The following NCALD variants were observed in gnomAD, a reference collection of about 807,000 sequenced individuals.
NCALD encodes neurocalcin delta.
In NCALD, 10 loss-of-function variants were observed where a neutral mutation model predicts 18.6. That is an observed-to-expected ratio of 0.54 (90% CI 0.33 to 0.91). NCALD has a LOEUF of 0.91. NCALD is among the 40% of genes least tolerant of loss of function. NCALD has a pLI of 0.03. For synonymous variants in NCALD, 88 were observed against 87.4 expected (o/e 1.01, Z -0.04); for missense variants, 184 against 247.6 (o/e 0.74, Z 1.72).
chr8:101,982,398 A>G (rs758150147), intron 2 of NCALD, among the ~76,000 whole-genome samples: 2 of 152,262 alleles, frequency 1.3e-5, no homozygotes, highest in Non-Finnish European at 2.9e-5. Context: ...TAAGTTTTAC[A>G]GTTTACAAAG....
At chr8:101,995,538 G>A (rs1027179096) in intron 2 of NCALD, among the ~76,000 whole-genome samples, 6 of 152,012 alleles carry the variant, frequency 3.9e-5, no homozygotes, top group African/African-American at 7.3e-5. Flanking sequence ...ATCACATGGC[G>A]AAAACAGGAG....
chr8:101,705,555 T>C (rs1366605416), intron 2 of NCALD, among the ~76,000 whole-genome samples: 1 of 152,054 alleles, frequency 6.6e-6, no homozygotes, highest in Non-Finnish European at 1.5e-5. Context: ...AGCCTGGAGG[T>C]CTTGGTGAGC....
At chr8:102,021,086 C>A (rs1471421928) in intron 1 of NCALD, among the ~76,000 whole-genome samples, 1 of 152,164 alleles carries the variant, frequency 6.6e-6, no homozygotes, top group Non-Finnish European at 1.5e-5. Context: ...TGCATTTTTT[C>A]TTTTGTAACA....
At chr8:101,893,120 C>G (rs1044894250) in intron 3 of NCALD, among the ~76,000 whole-genome samples, 14 of 151,784 alleles carry the variant, frequency 9.2e-5, no homozygotes, top group Admixed American at 2.6e-4. Context: ...AGAGAAAGGT[C>G]AGGTTACCCA....
chr8:101,791,127 TGA>T (rs942482957), upstream of NCALD: 1 of 152,248 alleles, frequency 6.6e-6, no homozygotes. Flanking sequence ...TGTGTGTGTG[TGA>T]GAGAGAGAGT....
At chr8:101,825,606 G>A (rs913443435) in intron 4 of NCALD, among the ~76,000 whole-genome samples, 3 of 152,172 alleles carry the variant, frequency 2.0e-5, no homozygotes, top group Non-Finnish European at 4.4e-5. Context: ...ACAACTTCTG[G>A]ACCTAAGTGG....
At position 101,872,398 on chromosome 8, in the gene NCALD, A is replaced by G. The variant is rs141056692; in HGVS notation, c.-20+14743T>C. ...ATGATCCTCCAGCTCTTCCAAAGTC[A>G]TATCTTCGTATGTTGTCACCACTGA... On this transcript the variant is annotated intron_variant, in intron 4 of 6. Coordinates refer to the NCALD transcript ENST00000311028. 6.8e-5 allele frequency: 99 copies of G among 1,464,272 alleles called. No homozygotes were observed. In the East Asian group the frequency reaches 1.9e-3, roughly 28 times the overall value. The allele number at this position is 1,464,272 out of a possible 1,614,324, so 90.7% of individuals were successfully genotyped here.
intron 4 of NCALD, among the ~76,000 whole-genome samples, chr8:101,879,562 G>A (rs1413160425): frequency 6.6e-6 from 1 of 152,196 alleles, no homozygotes; most frequent in Non-Finnish European, 1.5e-5. Flanking sequence ...CCACCACTGT[G>A]TGGTGGGACC....
intron 2 of NCALD, among the ~76,000 whole-genome samples, chr8:101,981,140 C>T (rs1290426133): frequency 6.6e-6 from 1 of 152,142 alleles, no homozygotes; most frequent in Non-Finnish European, 1.5e-5. Flanking sequence ...AGGCAATAAC[C>T]TCCTCTTATA....
chr8:102,111,725 T>C (rs568507659), intron 1 of NCALD, among the ~76,000 whole-genome samples: 4 of 152,278 alleles, frequency 2.6e-5, no homozygotes, highest in African/African-American at 7.2e-5. Flanking sequence ...ATCTCAAATA[T>C]TGGAATTAGG....
At chr8:101,980,041 C>A (rs1248416552) in intron 2 of NCALD, among the ~76,000 whole-genome samples, 1 of 152,078 alleles carries the variant, frequency 6.6e-6, no homozygotes, top group Non-Finnish European at 1.5e-5. Flanking sequence ...CAGTGCTGAG[C>A]CAAGGCCAAA....
intron 2 of NCALD, among the ~76,000 whole-genome samples, chr8:101,945,018 T>C (rs180710859): frequency 7.9e-5 from 12 of 152,342 alleles, no homozygotes; most frequent in Admixed American, 2.0e-4. Context: ...ATCAGTGGAA[T>C]GACAGCTGGC....
chr8:101,731,806 A>G (rs1157118746), intron 1 of NCALD, among the ~76,000 whole-genome samples: 1 of 152,118 alleles, frequency 6.6e-6, no homozygotes, highest in African/African-American at 2.4e-5. Flanking sequence ...GTTGCCAGCA[A>G]TTGGAGGGGT....
chr8:101,905,330 T>A (rs1291999538), intron 3 of NCALD, among the ~76,000 whole-genome samples: 3 of 152,030 alleles, frequency 2.0e-5, no homozygotes, highest in African/African-American at 7.2e-5. Flanking sequence ...CCTGGGGGTA[T>A]TTTTTTGACC....
chr8:101,774,301 G>A (rs1254771557), intron 1 of NCALD, among the ~76,000 whole-genome samples: 1 of 152,130 alleles, frequency 6.6e-6, no homozygotes, highest in Non-Finnish European at 1.5e-5. Flanking sequence ...CCTTGAAACA[G>A]GTGTGCTTCA....
intron 2 of NCALD, among the ~76,000 whole-genome samples, chr8:101,925,288 G>A (rs369178729): frequency 1.7e-4 from 26 of 152,016 alleles, no homozygotes; most frequent in African/African-American, 6.0e-4. Flanking sequence ...AGACTATAAG[G>A]GGTGTATTTA....
At chr8:101,827,752 A>G (rs1813999243) in intron 4 of NCALD, among the ~76,000 whole-genome samples, 1 of 152,262 alleles carries the variant, frequency 6.6e-6, no homozygotes, top group Non-Finnish European at 1.5e-5. Flanking sequence ...ATTAGTCTCT[A>G]TGACAAAGAA....
At chr8:102,026,053 G>A (rs1395355143) in intron 1 of NCALD, among the ~76,000 whole-genome samples, 1 of 152,106 alleles carries the variant, frequency 6.6e-6, no homozygotes, top group African/African-American at 2.4e-5. Context: ...CACTCACTGA[G>A]GGTAACTGCA....
intron 2 of NCALD, among the ~76,000 whole-genome samples, chr8:102,013,461 A>C (rs544179861): frequency 2.0e-5 from 3 of 152,240 alleles, no homozygotes; most frequent in African/African-American, 7.2e-5. Context: ...TAGCAGAAAG[A>C]ATATGCCCAA....
Sources: gnomAD v4.1 joint callset for allele counts (sites outside exome capture counted in the v4.1 genomes callset) on GRCh38, gnomAD v4.1.1 for gene constraint, MANE v1.5 for transcripts, NCBI Gene and HGNC (gene_info 2026-07-23, HGNC 2026-07-21) for gene names.